STAG1: variants seen among roughly 807,000 people sequenced by gnomAD.
The protein encoded by STAG1 is cohesin subunit SA-1.
In STAG1, 26 loss-of-function variants were observed where a neutral mutation model predicts 170.9. The ratio of observed to expected loss-of-function variants is 0.15; its 90% CI spans 0.11 to 0.21. The LOEUF (loss-of-function observed/expected upper bound fraction) is 0.21. STAG1 is among the 10% of genes least tolerant of loss of function. The pLI is 1.00. For synonymous variants in STAG1, 514 were observed against 497.7 expected (o/e 1.03, Z -0.44); for missense variants, 964 against 1,509.5 (o/e 0.64, Z 5.99).
chr3:136,586,357 G>A (rs1421815228), intron 4 of STAG1, among the ~76,000 whole-genome samples: 2 of 151,728 alleles, frequency 1.3e-5, no homozygotes, highest in East Asian at 1.9e-4. Flanking sequence ...ATATATATAG[G>A]GATAAAGCCT....
At chr3:136,361,536 A>G (rs923027839) in intron 26 of STAG1, among the ~76,000 whole-genome samples, 1 of 152,188 alleles carries the variant, frequency 6.6e-6, no homozygotes, top group Non-Finnish European at 1.5e-5. Flanking sequence ...CTTTTCCTCT[A>G]TATCTTTGTC....
intron 23 of STAG1, among the ~76,000 whole-genome samples, chr3:136,375,997 T>TAATTAACA (rs1485529269): frequency 2.1e-4 from 13 of 60,976 alleles, no homozygotes; most frequent in South Asian, 2.0e-3. Flanking sequence ...AATAAATAAA[T>TAATTAACA]AAATAAATAA....
chr3:136,583,404 A>T (rs1304838981), intron 4 of STAG1, among the ~76,000 whole-genome samples: 1 of 152,154 alleles, frequency 6.6e-6, no homozygotes, highest in Non-Finnish European at 1.5e-5. Flanking sequence ...TTTATCATGA[A>T]TTTTTTTAAT....
intron 6 of STAG1, among the ~76,000 whole-genome samples, chr3:136,527,090 G>A (rs1277748098): frequency 6.6e-6 from 1 of 152,128 alleles, no homozygotes; most frequent in South Asian, 2.1e-4. Context: ...CTCTTCTCAA[G>A]GAGTATCTTC....
At chr3:136,581,658 C>A (rs919716470) in intron 4 of STAG1, among the ~76,000 whole-genome samples, 1 of 151,998 alleles carries the variant, frequency 6.6e-6, no homozygotes, top group Non-Finnish European at 1.5e-5. Flanking sequence ...GACCCAGCAG[C>A]CCTAGTTAAA....
At chr3:136,462,631 T>C (rs1214817768) in intron 13 of STAG1, among the ~76,000 whole-genome samples, 1 of 152,188 alleles carries the variant, frequency 6.6e-6, no homozygotes, top group African/African-American at 2.4e-5. Flanking sequence ...TTAACAATAA[T>C]TTATGGAATA....
intron 5 of STAG1, among the ~76,000 whole-genome samples, chr3:136,559,908 C>G (rs1045974307): frequency 3.3e-5 from 5 of 152,138 alleles, no homozygotes; most frequent in African/African-American, 4.8e-5. Flanking sequence ...TTATTTGAGA[C>G]ATGAATACAA....
chr3:136,685,475 T>C (rs536434234), intron 1 of STAG1, among the ~76,000 whole-genome samples: 1 of 152,328 alleles, frequency 6.6e-6, no homozygotes, highest in South Asian at 2.1e-4. Context: ...ACTGTACTTC[T>C]TAGAATTTAC....
intron 15 of STAG1, among the ~76,000 whole-genome samples, chr3:136,437,852 T>C (rs1173723337): frequency 6.6e-6 from 1 of 152,202 alleles, no homozygotes; most frequent in East Asian, 1.9e-4. Context: ...TCTTTCCCTC[T>C]TTATAAGCCA....
At chr3:136,413,289 G>C (rs888837474) in intron 21 of STAG1, among the ~76,000 whole-genome samples, 1 of 147,170 alleles carries the variant, frequency 6.8e-6, no homozygotes, top group Non-Finnish European at 1.5e-5. Flanking sequence ...AATATATATC[G>C]TATACAATAT....
Position 136,349,376 on chromosome 3 carries a change from T to A in STAG1, c.3066-13A>T, listed in dbSNP as rs371335681. 5.6e-6 allele frequency: 9 copies of A among 1,596,708 alleles called. No individual in the cohort carries two copies. Among genetic ancestry groups the A allele is most frequent in the Non-Finnish European group, 7.7e-6 (9 of 1,164,202 alleles). Reference sequence around the variant, plus strand: ...TAGGTATGAATGACTAGAAACACAATAGAAACAGCAGTGATTTTCAGAGAA... The same window carrying A: ...TAGGTATGAATGACTAGAAACACAAAAGAAACAGCAGTGATTTTCAGAGAA... On this transcript the variant is annotated splice_polypyrimidine_tract_variant and intron_variant, in intron 28 of 33. Transcript: ENST00000383202.
intron 7 of STAG1, among the ~76,000 whole-genome samples, chr3:136,514,985 A>C (rs746479665): frequency 5.9e-5 from 9 of 152,086 alleles, no homozygotes; most frequent in South Asian, 2.1e-4. Flanking sequence ...GGAAGCAGCA[A>C]ACCAACATGG....
chr3:136,529,910 C>T (rs773409748), intron 6 of STAG1, among the ~76,000 whole-genome samples: 3 of 152,002 alleles, frequency 2.0e-5, no homozygotes, highest in Non-Finnish European at 4.4e-5. Context: ...TGAATGTAAA[C>T]GGATTAAATA....
chr3:136,708,279 T>C (rs985062760), intron 1 of STAG1, among the ~76,000 whole-genome samples: 5 of 152,142 alleles, frequency 3.3e-5, no homozygotes, highest in African/African-American at 9.7e-5. Flanking sequence ...ATACATACAA[T>C]TGAATGTTAT....
In STAG1 at chr3:136,338,238, A is replaced by G. The variant is rs1287462105; in HGVS notation, c.*16T>C. On this transcript the variant is annotated 3_prime_UTR_variant, in exon 34 of 34. Coordinates refer to ENST00000383202, the MANE Select transcript of STAG1 (RefSeq NM_005862.3). ...CTAAATAATAGAGTTCCAGATTTGT[A>G]AATTTTCTTCAGACTTCAGAACATA... 1 of 1,585,326 alleles carries G rather than the reference A, an allele frequency of 6.3e-7. No individual in the cohort carries two copies. The highest frequency in any genetic ancestry group is 8.6e-7 in the Non-Finnish European group (1 of 1,156,386).
intron 1 of STAG1, among the ~76,000 whole-genome samples, chr3:136,657,010 CA>C (rs202078976): frequency 0.017 from 2,380 of 140,220 alleles, 42 homozygotes; most frequent in East Asian, 0.049. Context: ...TTATAATAGC[CA>C]AAAAAAAAAG....
chr3:136,417,916 G>C lies in STAG1; in HGVS notation c.2165C>G (p.Thr722Ser). 6.2e-7 allele frequency: 1 copy of C among 1,613,900 alleles called. No individual in the cohort carries two copies. The highest frequency in any genetic ancestry group is 8.5e-7 in the Non-Finnish European group (1 of 1,179,852). ...TGGCATGGCTCCATGTTCAATTCCA[G>C]TCTTCAATAATCTGTAGCAATTACC... ...LFGNCYRLLK[T>S]GIEHGAMPEQ... Residue 722 changes from threonine to serine, a missense_variant, in exon 21 of 34, where the codon ACT becomes AGT. This residue lies in a region of STAG1 where 232 missense variants were observed against 313.0 expected (regional missense o/e 0.74). Coordinates refer to ENST00000383202, the MANE Select transcript of STAG1 (RefSeq NM_005862.3).
chr3:136,491,660 T>A (rs1165538685), intron 9 of STAG1, among the ~76,000 whole-genome samples: 1 of 152,190 alleles, frequency 6.6e-6, no homozygotes, highest in Non-Finnish European at 1.5e-5. Flanking sequence ...CCATACTTAC[T>A]GTAAATGATT....
chr3:136,452,063 C>G lies in STAG1; in HGVS notation c.1398G>C (p.Arg466Ser). The change falls in exon 14 of 34, where the codon AGG becomes AGC. Residue 466 changes from arginine to serine, a missense_variant. This residue lies in a region of STAG1 where 162 missense variants were observed against 211.2 expected (regional missense o/e 0.77). Coordinates refer to ENST00000383202, the MANE Select transcript of STAG1 (RefSeq NM_005862.3). ...TTTCAAGAAAGAAAAGAACCAGCAT[C>G]CTAATGAGGTTTCCATTCGGGCTGT... Reference protein sequence around the residue: ...GRNSPNGNLIRMLVLFFLESE... With the variant: ...GRNSPNGNLISMLVLFFLESE... 1 of 1,612,788 alleles carries G rather than the reference C, an allele frequency of 6.2e-7. No homozygotes were observed.
Sources: gnomAD v4.1 joint callset for allele counts (sites outside exome capture counted in the v4.1 genomes callset) on GRCh38, gnomAD v4.1.1 for gene constraint, gnomAD v4.1.1 regional missense constraint, MANE v1.5 for transcripts, NCBI Gene and HGNC (gene_info 2026-07-23, HGNC 2026-07-21) for gene names.